TTC39B: variants seen among roughly 807,000 people sequenced by gnomAD.
TTC39B encodes tetratricopeptide repeat protein 39B.
In TTC39B, 92 loss-of-function variants were observed where a neutral mutation model predicts 96.6. The ratio of observed to expected loss-of-function variants is 0.95; its 90% CI spans 0.80 to 1.13. The LOEUF is 1.13. TTC39B is among the 50% of genes most tolerant of loss of function. TTC39B has a pLI of 0.00. For synonymous variants in TTC39B, 367 were observed against 299.4 expected (o/e 1.23, Z -2.33); for missense variants, 955 against 809.3 (o/e 1.18, Z -2.18).
chr9:15,250,202 C>T, intron 2 of TTC39B: 1 of 1,147,418 alleles, frequency 8.7e-7, no homozygotes, highest in Non-Finnish European at 1.1e-6. Flanking sequence ...ACACTCACTG[C>T]TGTAGCGGAT....
Position 15,258,007 on chromosome 9 carries a change from C to G in TTC39B, c.275+9907G>C, listed in dbSNP as rs192874887. On this transcript the variant is annotated intron_variant, in intron 2 of 19. Transcript: ENST00000512701. The stretch of plus-strand genomic sequence containing the variant: ...CCCAGGAGGCAGAGGTTGCGGTGAG[C>G]CGAGTTCGTACCACTGCACTCCAGC... 2.9e-3 allele frequency among the ~76,000 whole-genome samples: 438 copies of G among 152,174 alleles called. 3 individuals are homozygous for G. Among genetic ancestry groups the G allele is most frequent in the Non-Finnish European group, 5.2e-3 (354 of 67,998 alleles).
At chr9:15,216,216 C>G (rs1020601439) in intron 3 of TTC39B, among the ~76,000 whole-genome samples, 8 of 152,194 alleles carry the variant, frequency 5.3e-5, no homozygotes, top group African/African-American at 1.9e-4. Flanking sequence ...TGTCTTTCCT[C>G]TCTAGGACAT....
At chr9:15,276,800 C>G (rs1175816655) in intron 1 of TTC39B, among the ~76,000 whole-genome samples, 2 of 152,180 alleles carry the variant, frequency 1.3e-5, no homozygotes, top group African/African-American at 4.8e-5. Context: ...AAGATTCCAG[C>G]CGCCCACTGG....
At chr9:15,251,332 G>A (rs1329710863) in intron 2 of TTC39B, among the ~76,000 whole-genome samples, 3 of 152,186 alleles carry the variant, frequency 2.0e-5, no homozygotes, top group East Asian at 1.9e-4. Flanking sequence ...GGAGGCCAAG[G>A]TGGGTGGATC....
intron 1 of TTC39B, among the ~76,000 whole-genome samples, chr9:15,271,280 G>A (rs1302339621): frequency 6.6e-6 from 1 of 152,158 alleles, no homozygotes; most frequent in Non-Finnish European, 1.5e-5. Flanking sequence ...TCTGATTGGA[G>A]TCCGCACACT....
intron 6 of TTC39B, among the ~76,000 whole-genome samples, chr9:15,204,708 T>C (rs1586866692): frequency 6.6e-6 from 1 of 152,154 alleles, no homozygotes; most frequent in Non-Finnish European, 1.5e-5. Flanking sequence ...AGAAATGTCC[T>C]GCACGGCCAC....
rs974763193 is a variant in TTC39B at position 15,258,926 on chromosome 9, T to C, written c.275+8988A>G. 5.9e-5 allele frequency among the ~76,000 whole-genome samples: 9 copies of C among 152,278 alleles called. 1 individual carries two copies. The South Asian group carries it at 1.9e-3, about 32-fold the overall frequency. ...TTTATAGGATCTATATCTTAAAACG[T>C]GTACTACACACATTCTCCTTCCCCC... is the stretch of plus-strand genomic sequence containing the variant. On this transcript the variant is annotated intron_variant, in intron 2 of 19. Coordinates refer to ENST00000512701, the Ensembl canonical transcript of TTC39B.
chr9:15,306,993 G>A lies in TTC39B; in HGVS notation c.240+91C>T. 2 of 1,534,316 alleles carry A rather than the reference G, an allele frequency of 1.3e-6. No homozygotes were observed. The highest frequency in any genetic ancestry group is 2.1e-5 in the Admixed American group (1 of 48,402). ...CCAGAGAGGGGACCAAGGGGGCGGG[G>A]CCTCGGCCGTCCTAGCCGGGCTCAC... On this transcript the variant is annotated intron_variant, in intron 1 of 19. Transcript: ENST00000512701. The surrounding 1 kb of genome is among the most constrained non-coding windows in gnomAD (Gnocchi z 5.1).
At chr9:15,285,748 A>G (rs562172723) in intron 1 of TTC39B, among the ~76,000 whole-genome samples, 304 of 151,820 alleles carry the variant, frequency 2.0e-3, no homozygotes, top group Non-Finnish European at 3.3e-3. Flanking sequence ...CCAGCTACTC[A>G]GGAGGCTGAG....
exon 11 of TTC39B, chr9:15,190,618 G>C: frequency 6.2e-7 from 1 of 1,614,194 alleles, no homozygotes. Flanking sequence ...CAGACCTCAT[G>C]CTCCTTCCTG....
chr9:15,300,174 T>TTCAGTGAGGC (rs1824533629), intron 1 of TTC39B, among the ~76,000 whole-genome samples: 1 of 152,122 alleles, frequency 6.6e-6, no homozygotes, highest in African/African-American at 2.4e-5. Context: ...AATCAGAAAA[T>TTCAGTGAGGC]TCAGTGAGGC....
At chr9:15,204,038 T>C (rs187661450) in intron 6 of TTC39B, 148 bp from the exon 7 acceptor site, 21 of 626,642 alleles carry the variant, frequency 3.4e-5, no homozygotes, top group Admixed American at 9.4e-5. Flanking sequence ...AGTGGAATGA[T>C]AACCCCAGTT....
chr9:15,256,887 G>T (rs529449468), intron 2 of TTC39B, among the ~76,000 whole-genome samples: 2 of 152,296 alleles, frequency 1.3e-5, no homozygotes, highest in South Asian at 2.1e-4. Context: ...CAAACCTTAT[G>T]AACAAAGGTA....
At chr9:15,200,570 C>G (rs1161904692) in intron 7 of TTC39B, among the ~76,000 whole-genome samples, 1 of 152,206 alleles carries the variant, frequency 6.6e-6, no homozygotes, top group Non-Finnish European at 1.5e-5. Flanking sequence ...TTTTCAGGGT[C>G]AGCATTCTAG....
At chr9:15,196,498 T>C (rs1819178842) in intron 8 of TTC39B, among the ~76,000 whole-genome samples, 2 of 152,148 alleles carry the variant, frequency 1.3e-5, no homozygotes, top group Admixed American at 6.5e-5. Flanking sequence ...GGTTCAAGAC[T>C]TCAGTGGAGA....
At chr9:15,264,760 A>G (rs966774590) in intron 2 of TTC39B, among the ~76,000 whole-genome samples, 5 of 148,098 alleles carry the variant, frequency 3.4e-5, no homozygotes, top group Non-Finnish European at 7.4e-5. Context: ...TTATAACATC[A>G]TGTTGTATAC....
intron 17 of TTC39B, among the ~76,000 whole-genome samples, chr9:15,181,063 C>T (rs1056379315): frequency 3.3e-5 from 5 of 152,174 alleles, no homozygotes. Flanking sequence ...ATTTCCACTG[C>T]ATTTTACTAG....
Position 15,267,968 on chromosome 9 carries a change from C to A in TTC39B, c.241-20G>T. Reference sequence around the variant, plus strand: ...AACGTCCTGGGGGAAATAAAAAATACAATGAGTTTCTCAAGAATTCTCAAT... The same window carrying A: ...AACGTCCTGGGGGAAATAAAAAATAAAATGAGTTTCTCAAGAATTCTCAAT... On this transcript the variant is annotated intron_variant, in intron 1 of 19. Coordinates refer to ENST00000512701, the Ensembl canonical transcript of TTC39B. The A allele has an allele frequency of 3.1e-6, 5 of 1,606,626 alleles. No homozygotes were observed. The highest frequency in any genetic ancestry group is 4.2e-6 in the Non-Finnish European group (5 of 1,177,062).
At chr9:15,300,891 CA>C (rs71491658) in intron 1 of TTC39B, among the ~76,000 whole-genome samples, 935 of 80,864 alleles carry the variant, frequency 0.012, 5 homozygotes, top group African/African-American at 0.033. Flanking sequence ...AACTCCGTCT[CA>C]AAAAAAAAAA....
Sources: gnomAD v4.1 joint callset for allele counts (sites outside exome capture counted in the v4.1 genomes callset) on GRCh38, gnomAD v4.1.1 for gene constraint, Gnocchi (gnomAD v3.1) non-coding constraint, MANE v1.5 for transcripts, NCBI Gene and HGNC (gene_info 2026-07-23, HGNC 2026-07-21) for gene names.